Variants in HS3ST4 observed in about 807,000 individuals in gnomAD.
The protein encoded by HS3ST4 is heparan sulfate glucosamine 3-O-sulfotransferase 4.
Under a neutral mutation model 29.2 loss-of-function variants are expected in HS3ST4, and 17 were observed. The ratio of observed to expected loss-of-function variants is 0.58; its 90% CI spans 0.40 to 0.87. The LOEUF (loss-of-function observed/expected upper bound fraction) is 0.87, where lower values mean the gene tolerates loss of function less well. Among genes scored for constraint, HS3ST4 ranks in the 40% least tolerant of loss-of-function variants. The probability of loss-of-function intolerance (pLI) is 0.00; values close to 1 mark genes in which losing one functional copy is unlikely to be tolerated. For missense variants in HS3ST4, 627 were observed against 634.5 expected (o/e 0.99, Z 0.13); for synonymous variants, 314 against 285.7 (o/e 1.10, Z -1.00).
At chr16:26,025,201 T>G (rs1435014277) in intron 1 of HS3ST4, 1 of 154,384 alleles carries the variant, frequency 6.5e-6, no homozygotes, top group Non-Finnish European at 1.5e-5. Context: ...AGGAAAGGAC[T>G]GTAACATCAC....
intron 1 of HS3ST4, among the ~76,000 whole-genome samples, chr16:26,044,304 G>A (rs1359382799): frequency 6.6e-6 from 1 of 152,226 alleles, no homozygotes; most frequent in East Asian, 1.9e-4. Context: ...GAAGAGAGAG[G>A]GAGGAGGAAA....
intron 1 of HS3ST4, among the ~76,000 whole-genome samples, chr16:26,026,306 C>G (rs1173306884): frequency 1.3e-5 from 2 of 152,168 alleles, no homozygotes; most frequent in Non-Finnish European, 2.9e-5. Flanking sequence ...AGGGCTTAGT[C>G]AGAAAGGATG....
intron 1 of HS3ST4, among the ~76,000 whole-genome samples, chr16:25,949,792 A>G (rs1368146227): frequency 1.3e-5 from 2 of 152,212 alleles, no homozygotes; most frequent in Admixed American, 6.5e-5. Flanking sequence ...ATTTGATCAC[A>G]TATCAAGGGT....
At chr16:25,814,639 C>G (rs995153218) in intron 1 of HS3ST4, among the ~76,000 whole-genome samples, 1 of 152,112 alleles carries the variant, frequency 6.6e-6, no homozygotes, top group Non-Finnish European at 1.5e-5. Flanking sequence ...CCACAGCGCC[C>G]GGCCTATGTC....
chr16:25,729,945 G>T (rs1379864037), intron 1 of HS3ST4, among the ~76,000 whole-genome samples: 4 of 152,104 alleles, frequency 2.6e-5, no homozygotes, highest in Non-Finnish European at 5.9e-5. Context: ...GCAGCAATCT[G>T]TTTGATTCCC....
chr16:26,007,246 C>G (rs1969267012), intron 1 of HS3ST4, among the ~76,000 whole-genome samples: 1 of 152,196 alleles, frequency 6.6e-6, no homozygotes, highest in African/African-American at 2.4e-5. Context: ...CCCCTCATTA[C>G]TGTGTTTTTC....
intron 1 of HS3ST4, among the ~76,000 whole-genome samples, chr16:26,119,322 A>T (rs78636364): frequency 1.3e-5 from 2 of 152,238 alleles, no homozygotes; most frequent in African/African-American, 4.8e-5. Flanking sequence ...TGGAGAAGGC[A>T]GTGCTGTAGA....
chr16:25,751,783 G>A (rs1185814490), intron 1 of HS3ST4, among the ~76,000 whole-genome samples: 1 of 152,162 alleles, frequency 6.6e-6, no homozygotes, highest in African/African-American at 2.4e-5. Flanking sequence ...CTTACACACA[G>A]TGGTAGTATT....
intron 1 of HS3ST4, among the ~76,000 whole-genome samples, chr16:26,109,802 A>G (rs1220378398): frequency 6.6e-6 from 1 of 151,908 alleles, no homozygotes; most frequent in Non-Finnish European, 1.5e-5. Context: ...TTACATATGC[A>G]GTATTTATCA....
chr16:25,842,163 G>T (rs1044210302), intron 1 of HS3ST4, among the ~76,000 whole-genome samples: 3 of 152,200 alleles, frequency 2.0e-5, no homozygotes, highest in Non-Finnish European at 4.4e-5. Context: ...TGGCTCAGTT[G>T]AGGTTGCCTT....
chr16:25,730,811 A>G (rs184913948), intron 1 of HS3ST4, among the ~76,000 whole-genome samples: 14 of 149,140 alleles, frequency 9.4e-5, no homozygotes, highest in Non-Finnish European at 1.5e-4. Flanking sequence ...CCATCCTTCT[A>G]TCCCTCTTCC....
At chr16:25,873,301 TC>T (rs1298953662) in intron 1 of HS3ST4, among the ~76,000 whole-genome samples, 1 of 111,632 alleles carries the variant, frequency 9.0e-6, no homozygotes, top group East Asian at 2.4e-4. Context: ...CATCCATCCA[TC>T]CATCCATCCA....
intron 1 of HS3ST4, among the ~76,000 whole-genome samples, chr16:25,880,146 A>G (rs1050141635): frequency 1.3e-5 from 2 of 152,162 alleles, no homozygotes; most frequent in African/African-American, 4.8e-5. Context: ...CTGAGACTTA[A>G]GGTTATAACA....
intron 1 of HS3ST4, among the ~76,000 whole-genome samples, chr16:26,104,361 G>T (rs1899025733): frequency 6.6e-6 from 1 of 152,124 alleles, no homozygotes; most frequent in African/African-American, 2.4e-5. Flanking sequence ...GATGTGATTG[G>T]GTTTGTTGAC....
At chr16:26,080,154 C>T (rs1203405340) in intron 1 of HS3ST4, among the ~76,000 whole-genome samples, 2 of 152,116 alleles carry the variant, frequency 1.3e-5, no homozygotes, top group South Asian at 2.1e-4. Flanking sequence ...CCTTGCTCAA[C>T]GTGAGGTTCG....
intron 1 of HS3ST4, among the ~76,000 whole-genome samples, chr16:26,071,170 C>T (rs942326653): frequency 6.6e-6 from 1 of 152,182 alleles, no homozygotes; most frequent in Non-Finnish European, 1.5e-5. Context: ...ACGAGCTCCA[C>T]AAACCCTGGA....
At chr16:25,715,138 A>C (rs1037079949) in intron 1 of HS3ST4, among the ~76,000 whole-genome samples, 3 of 151,692 alleles carry the variant, frequency 2.0e-5, no homozygotes, top group Admixed American at 6.6e-5. Flanking sequence ...CTGGCTAACA[A>C]GGTGAAACCC....
chr16:26,018,123 T>G (rs910662677), intron 1 of HS3ST4, among the ~76,000 whole-genome samples: 1 of 152,206 alleles, frequency 6.6e-6, no homozygotes, highest in South Asian at 2.1e-4. Context: ...CCTCACTAGT[T>G]TGGATGTCAC....
At chr16:25,911,335 G>A (rs1350139891) in intron 1 of HS3ST4, among the ~76,000 whole-genome samples, 1 of 151,896 alleles carries the variant, frequency 6.6e-6, no homozygotes, top group Non-Finnish European at 1.5e-5. Flanking sequence ...TGAAAGAGGT[G>A]GTGGGAAAAT....
Sources: gnomAD v4.1 joint callset for allele counts (sites outside exome capture counted in the v4.1 genomes callset) on GRCh38, gnomAD v4.1.1 for gene constraint, MANE v1.5 for transcripts, NCBI Gene and HGNC (gene_info 2026-07-23, HGNC 2026-07-21) for gene names.